Variants in RYR2 observed in about 807,000 individuals in gnomAD.
RYR2 encodes the protein ryanodine receptor 2, also known as cardiac muscle ryanodine receptor-calcium release channel.
RYR2 carries 227 observed loss-of-function variants against 601.1 expected under a neutral mutation model. The ratio of observed to expected loss-of-function variants is 0.38; its 90% confidence interval spans 0.34 to 0.42. RYR2 has a LOEUF of 0.42. Among genes scored for constraint, RYR2 ranks in the 10% least tolerant of loss-of-function variants. The probability of loss-of-function intolerance (pLI) is 1.00; values close to 1 mark genes in which losing one functional copy is unlikely to be tolerated. For synonymous variants in RYR2, 2,223 were observed against 2,175.1 expected, an observed-to-expected ratio of 1.02 and a Z score of -0.61; for missense variants, 4,646 against 6,156.5, an observed-to-expected ratio of 0.75 and a Z score of 8.21.
At position 237,614,916 on chromosome 1, in the gene RYR2, C is replaced by A; in HGVS notation, c.5715+73C>A. ...AAGGTATTAGAACATGCCTTTGTTT[C>A]TTTCTCTGTGTGTGTGTTTATTTCT... On this transcript the variant is annotated intron_variant, in intron 37 of 104. Transcript: ENST00000366574. This position sits in a 1 kb window ranked among gnomAD's most constrained non-coding sequence, Gnocchi z 4.3. 1 of 1,401,330 alleles carries A rather than the reference C, an allele frequency of 7.1e-7. No individual in the cohort carries two copies. The highest frequency in any genetic ancestry group is 9.6e-7 in the Non-Finnish European group (1 of 1,043,754). The allele number at this position is 1,401,330 out of a possible 1,614,324, so 86.8% of individuals were successfully genotyped here.
At chr1:237,659,115 T>C (rs1242323643) in intron 54 of RYR2, among the ~76,000 whole-genome samples, 1 of 152,218 alleles carries the variant, frequency 6.6e-6, no homozygotes, top group Non-Finnish European at 1.5e-5. Flanking sequence ...AGAGGATGTG[T>C]ATGCTACGTA....
rs544944657 is a variant in RYR2, at chr1:237,264,032, G to A, written c.49-6465G>A. Among the ~76,000 whole-genome samples the A allele has an allele frequency of 1.2e-3, 180 of 152,110 alleles. 1 individual carries two copies. The highest frequency in any genetic ancestry group is 4.2e-3 in the African/African-American group (174 of 41,502). On this transcript the variant is annotated intron_variant, in intron 1 of 104. Transcript: ENST00000366574. ...TGTGTGTGTGACCTCACAGGTTTGTGAGCAGCAGTCAAGCTAACTTTGCTC... is the reference window on the plus strand; with the variant it reads ...TGTGTGTGTGACCTCACAGGTTTGTAAGCAGCAGTCAAGCTAACTTTGCTC...
chr1:237,243,214 T>C (rs772637285), intron 1 of RYR2, among the ~76,000 whole-genome samples: 7 of 152,078 alleles, frequency 4.6e-5, no homozygotes, highest in Non-Finnish European at 8.8e-5. Context: ...AGTTTCACAC[T>C]ATCTACCTGG....
chr1:237,671,502 GGT>G (rs367893618), intron 58 of RYR2, among the ~76,000 whole-genome samples: 98 of 149,244 alleles, frequency 6.6e-4, no homozygotes, highest in Admixed American at 6.7e-4. Context: ...TTGGTGCCTG[GGT>G]GTGTGTGTGT....
At chr1:237,400,409 G>A (rs956410331) in intron 10 of RYR2, among the ~76,000 whole-genome samples, 1 of 152,084 alleles carries the variant, frequency 6.6e-6, no homozygotes, top group Non-Finnish European at 1.5e-5. Flanking sequence ...TTAGCACAAT[G>A]TCCTGTGTCT....
At chr1:237,597,313 C>T (rs115930341) in intron 34 of RYR2, among the ~76,000 whole-genome samples, 2 of 146,156 alleles carry the variant, frequency 1.4e-5, no homozygotes, top group Non-Finnish European at 3.0e-5. Context: ...TTTTTTGAGA[C>T]AGAGTCTTGC....
At chr1:237,205,418 C>G (rs561979900) in intron 1 of RYR2, among the ~76,000 whole-genome samples, 1 of 152,164 alleles carries the variant, frequency 6.6e-6, no homozygotes. Flanking sequence ...TTACAGCATC[C>G]TGGGACAGGT....
intron 15 of RYR2, 21 bp from the exon 16 acceptor site, chr1:237,456,575 ATTTT>A: frequency 7.3e-6 from 10 of 1,365,656 alleles, no homozygotes; most frequent in South Asian, 5.4e-5. Flanking sequence ...TCTGATTGTG[ATTTT>A]TTTTTTTTTT....
rs138343050 is a variant in RYR2, at chr1:237,729,761, T to A, written c.10839-499T>A. On this transcript the variant is annotated intron_variant, in intron 76 of 104. Transcript: ENST00000366574. ...TTTAATCTTTGAGTATGTACTCCCATAAAGTTCACTTAATACCTTTTGTTT... is the reference window on the plus strand; with the variant it reads ...TTTAATCTTTGAGTATGTACTCCCAAAAAGTTCACTTAATACCTTTTGTTT... Among the ~76,000 whole-genome samples the A allele has an allele frequency of 6.6e-5, 10 of 152,316 alleles. No individual in the cohort carries two copies. The East Asian group carries it at 1.9e-3, about 29-fold the overall frequency.
chr1:237,567,917 G>C (rs1169851730), intron 28 of RYR2, among the ~76,000 whole-genome samples: 3 of 139,958 alleles, frequency 2.1e-5, no homozygotes, highest in African/African-American at 7.6e-5. Context: ...CACATTTCCT[G>C]AATCCAGTTT....
rs560287593 is a variant in RYR2 at position 237,791,981 on chromosome 1, C to G, written c.13564-124C>G. 39 of 683,312 alleles carry G rather than the reference C, an allele frequency of 5.7e-5. No homozygotes were observed. In the East Asian group the frequency reaches 6.5e-4, roughly 11 times the overall value. 42.3% of individuals were successfully genotyped at this position (683,312 alleles called of 1,614,324 possible). On this transcript the variant is annotated intron_variant, in intron 93 of 104. Coordinates refer to ENST00000366574, the MANE Select transcript of RYR2 (RefSeq NM_001035.3). ...ATCGTTTTTAGCCTTTGCTATTAGTCCTTTCATTATGCAGTGACTTCACAT... is the reference window on the plus strand; with the variant it reads ...ATCGTTTTTAGCCTTTGCTATTAGTGCTTTCATTATGCAGTGACTTCACAT...
At chr1:237,084,782 A>C (rs1375484433) in intron 1 of RYR2, among the ~76,000 whole-genome samples, 1 of 152,216 alleles carries the variant, frequency 6.6e-6, no homozygotes, top group Non-Finnish European at 1.5e-5. Flanking sequence ...ATTAAATTAA[A>C]AGCTGACTTG....
chr1:237,819,146 C>T lies in RYR2; in HGVS notation c.14544C>T (p.Ile4848=). ...EYEIYRIIFD[I]TFFFFVIVIL... is the part of the protein sequence containing the mutation. The stretch of plus-strand genomic sequence containing the variant: ...AGATCTATCGAATCATCTTTGACAT[C>T]ACTTTCTTCTTCTTTGTTATTGTCA... The change falls in exon 101 of 105, where the codon ATC becomes ATT. Residue 4848 remains isoleucine, a synonymous_variant. Transcript: ENST00000366574. This position sits in a 1 kb window ranked among gnomAD's most constrained non-coding sequence, Gnocchi z 4.0. 1.2e-6 allele frequency: 2 copies of T among 1,613,718 alleles called. No homozygotes were observed. The highest frequency in any genetic ancestry group is 1.1e-5 in the South Asian group (1 of 91,072).
intron 98 of RYR2, among the ~76,000 whole-genome samples, chr1:237,804,968 T>C (rs900894169): frequency 6.6e-6 from 1 of 152,166 alleles, no homozygotes; most frequent in Non-Finnish European, 1.5e-5. Flanking sequence ...GGAGACATTT[T>C]TGGTTGTCAT....
chr1:237,133,690 C>T (rs954498519), intron 1 of RYR2, among the ~76,000 whole-genome samples: 6 of 151,866 alleles, frequency 4.0e-5, no homozygotes, highest in Non-Finnish European at 7.4e-5. Flanking sequence ...GGCTCACACC[C>T]GCTGACGCGG....
At chr1:237,782,934 C>T (rs550979461) in intron 89 of RYR2, among the ~76,000 whole-genome samples, 40 of 152,244 alleles carry the variant, frequency 2.6e-4, no homozygotes, top group East Asian at 7.7e-4. Context: ...ACTGCTTCTC[C>T]GATTGACTCT....
chr1:237,733,642 GA>G (rs375089801), intron 78 of RYR2, 62 bp from the exon 79 acceptor site: 12 of 1,017,008 alleles, frequency 1.2e-5, no homozygotes, highest in African/African-American at 7.9e-5. Context: ...AAGCAGCGAT[GA>G]TACGTGTGCA....
intron 38 of RYR2, among the ~76,000 whole-genome samples, chr1:237,622,205 T>G (rs1679148274): frequency 6.6e-6 from 1 of 152,206 alleles, no homozygotes; most frequent in African/African-American, 2.4e-5. Context: ...TCTTCCGAAT[T>G]TATAAATTTA....
chr1:237,210,428 T>A (rs1228386151), intron 1 of RYR2, among the ~76,000 whole-genome samples: 1 of 152,194 alleles, frequency 6.6e-6, no homozygotes, highest in African/African-American at 2.4e-5. Flanking sequence ...TCCTTGGATC[T>A]GGAGGTCAAA....
Sources: allele counts gnomAD v4.1 joint callset (sites outside exome capture counted in the v4.1 genomes callset), GRCh38; gene constraint gnomAD v4.1.1; non-coding constraint Gnocchi (gnomAD v3.1); transcripts MANE v1.5; gene names NCBI Gene and HGNC (gene_info 2026-07-23, HGNC 2026-07-21).